Variants in KANSL1L observed in about 807,000 individuals in gnomAD.
The protein encoded by KANSL1L is KAT8 regulatory NSL complex subunit 1 like.
A neutral mutation model predicts 108.6 loss-of-function variants in KANSL1L; 25 were observed. The ratio of observed to expected loss-of-function variants is 0.23; its 90% CI spans 0.17 to 0.32. The LOEUF (loss-of-function observed/expected upper bound fraction) is 0.32. Ranked by LOEUF, KANSL1L falls within the 10% of genes least tolerant of loss-of-function variation. KANSL1L has a pLI of 1.00. For synonymous variants in KANSL1L, 405 were observed against 395.1 expected (o/e 1.03, Z -0.30); for missense variants, 1,137 against 1,125.7 (o/e 1.01, Z -0.14).
At chr2:210,094,188 A>G (rs910757061) in intron 5 of KANSL1L, among the ~76,000 whole-genome samples, 15 of 152,178 alleles carry the variant, frequency 9.9e-5, no homozygotes, top group African/African-American at 3.4e-4. Context: ...ACTTACATTT[A>G]AAAATAGTTA....
intron 1 of KANSL1L, among the ~76,000 whole-genome samples, chr2:210,163,717 A>C (rs1437880232): frequency 6.6e-6 from 1 of 152,190 alleles, no homozygotes; most frequent in Non-Finnish European, 1.5e-5. Context: ...ATTATATTAC[A>C]TGAAATTTTA....
At chr2:210,048,287 G>T (rs1402316367) in intron 6 of KANSL1L, among the ~76,000 whole-genome samples, 1 of 152,050 alleles carries the variant, frequency 6.6e-6, no homozygotes, top group Non-Finnish European at 1.5e-5. Context: ...CCAGCTTCTG[G>T]AGACCTAAGT....
chr2:210,028,165 C>T (rs1559496452), intron 11 of KANSL1L, among the ~76,000 whole-genome samples: 1 of 152,158 alleles, frequency 6.6e-6, no homozygotes, highest in African/African-American at 2.4e-5. Context: ...CAAATCTGGA[C>T]CTAACTTTGT....
intron 3 of KANSL1L, among the ~76,000 whole-genome samples, chr2:210,123,179 T>G (rs146287751): frequency 2.1e-3 from 317 of 152,272 alleles, no homozygotes; most frequent in Non-Finnish European, 3.6e-3. Flanking sequence ...ATCTTACTCC[T>G]AGGCATATAC....
chr2:210,076,326 C>A (rs964232230), intron 5 of KANSL1L, among the ~76,000 whole-genome samples: 4 of 152,070 alleles, frequency 2.6e-5, no homozygotes, highest in African/African-American at 9.7e-5. Flanking sequence ...AGATTATAGG[C>A]ACCTGCCATC....
Position 210,023,273 on chromosome 2 carries a change from T to C in KANSL1L, c.2734-94A>G, listed in dbSNP as rs888565020. The C allele has an allele frequency of 8.3e-6, 7 of 846,580 alleles. No homozygotes were observed. In the Admixed American group the frequency reaches 1.5e-4, roughly 18 times the overall value. 52.4% of individuals were successfully genotyped at this position (846,580 alleles called of 1,614,324 possible). On this transcript the variant is annotated intron_variant, in intron 14 of 14. Coordinates refer to ENST00000281772, the MANE Select transcript of KANSL1L (RefSeq NM_152519.4). ...TCTGTACATGTCTATATTGTAATAA[T>C]TGTTCTGTTCTTTAGCACATAAATG...
At chr2:210,157,010 T>C (rs985551839) in intron 1 of KANSL1L, among the ~76,000 whole-genome samples, 3 of 149,396 alleles carry the variant, frequency 2.0e-5, no homozygotes, top group Middle Eastern at 3.6e-3. Flanking sequence ...AAAAAAAAGA[T>C]GGTTTTTTTC....
chr2:210,090,679 G>A (rs1389492094), intron 5 of KANSL1L, among the ~76,000 whole-genome samples: 1 of 151,972 alleles, frequency 6.6e-6, no homozygotes, highest in African/African-American at 2.4e-5. Flanking sequence ...CTACAGGTGT[G>A]TACCACCATG....
chr2:210,038,141 G>A (rs2094127909), intron 8 of KANSL1L, among the ~76,000 whole-genome samples: 1 of 151,952 alleles, frequency 6.6e-6, no homozygotes, highest in Non-Finnish European at 1.5e-5. Context: ...TGCTTTTCAA[G>A]TTGTTGCTAA....
chr2:210,171,031 G>C (rs1236711155), intron 1 of KANSL1L, 118 bp downstream of exon 1: 1 of 152,602 alleles, frequency 6.6e-6, no homozygotes, highest in East Asian at 1.9e-4. Context: ...AGGGGCTGCC[G>C]GTCGGTCGCC....
chr2:210,058,368 C>T (rs886240805), intron 6 of KANSL1L, among the ~76,000 whole-genome samples: 13 of 152,122 alleles, frequency 8.5e-5, no homozygotes, highest in Admixed American at 3.9e-4. Flanking sequence ...AATGACAATG[C>T]GTGCCCGAAA....
At chr2:210,162,611 G>A (rs1042131564) in intron 1 of KANSL1L, among the ~76,000 whole-genome samples, 4 of 151,898 alleles carry the variant, frequency 2.6e-5, no homozygotes, top group African/African-American at 9.7e-5. Context: ...TAGGGAGTGG[G>A]TATAAGCAAA....
intron 6 of KANSL1L, among the ~76,000 whole-genome samples, chr2:210,062,636 G>C (rs1258050843): frequency 6.6e-6 from 1 of 152,140 alleles, no homozygotes; most frequent in Non-Finnish European, 1.5e-5. Flanking sequence ...TTGGGAACTG[G>C]AGCAAAGGTG....
intron 8 of KANSL1L, chr2:210,032,742 AG>A (rs1347475704): frequency 2.6e-5 from 4 of 152,262 alleles, no homozygotes; most frequent in African/African-American, 9.6e-5. Flanking sequence ...CAGCAGTGGT[AG>A]AAGAGTTTTA....
At chr2:210,028,252 G>T (rs1288836785) in intron 11 of KANSL1L, among the ~76,000 whole-genome samples, 1 of 152,088 alleles carries the variant, frequency 6.6e-6, no homozygotes. Context: ...AACAGTATCT[G>T]GCTAAGCCTT....
chr2:210,079,129 T>TA (rs1160535724), intron 5 of KANSL1L, among the ~76,000 whole-genome samples: 1 of 151,928 alleles, frequency 6.6e-6, no homozygotes, highest in African/African-American at 2.4e-5. Context: ...TGACAGTCCT[T>TA]AAAAAATTTT....
chr2:210,110,047 C>G (rs1225014343), intron 3 of KANSL1L, among the ~76,000 whole-genome samples: 1 of 152,128 alleles, frequency 6.6e-6, no homozygotes, highest in Non-Finnish European at 1.5e-5. Context: ...GGCTTCCCAT[C>G]TCTCTGTTTT....
intron 2 of KANSL1L, among the ~76,000 whole-genome samples, chr2:210,141,446 G>T (rs968113623): frequency 1.3e-5 from 2 of 152,064 alleles, no homozygotes; most frequent in East Asian, 3.9e-4. Flanking sequence ...TTATAAAAGA[G>T]GCCTGAGGAA....
chr2:210,065,067 G>A (rs73007205), intron 6 of KANSL1L, among the ~76,000 whole-genome samples: 1 of 151,430 alleles, frequency 6.6e-6, no homozygotes. Context: ...CTTTGGGTAG[G>A]TGGATCACCT....
Sources: allele counts gnomAD v4.1 joint callset (sites outside exome capture counted in the v4.1 genomes callset), GRCh38; gene constraint gnomAD v4.1.1; transcripts MANE v1.5; gene names NCBI Gene and HGNC (gene_info 2026-07-23, HGNC 2026-07-21).